The following NOTCH2 variants were observed in gnomAD, a reference collection of about 807,000 sequenced individuals.
The protein encoded by NOTCH2 is neurogenic locus notch homolog protein 2.
Under a neutral mutation model 235.8 loss-of-function variants are expected in NOTCH2, and 29 were observed. That is an observed-to-expected ratio of 0.12 (90% CI 0.09 to 0.17). NOTCH2 has a LOEUF of 0.17. Among genes scored for constraint, NOTCH2 ranks in the 10% least tolerant of loss-of-function variants. The pLI is 1.00. For synonymous variants in NOTCH2, 1,086 were observed against 1,141.5 expected (o/e 0.95, Z 0.98); for missense variants, 2,285 against 3,150.2 (o/e 0.73, Z 6.57).
intron 5 of NOTCH2, among the ~76,000 whole-genome samples, chr1:119,984,360 G>A (rs184520712): frequency 1.2e-4 from 18 of 152,206 alleles, no homozygotes; most frequent in East Asian, 7.7e-4. Context: ...CAACCACTAC[G>A]GGTCTTGGGC....
intron 16 of NOTCH2, 91 bp from the exon 17 acceptor site, chr1:119,948,657 G>T: frequency 6.9e-7 from 1 of 1,444,480 alleles, no homozygotes. Flanking sequence ...GGGGTGCATG[G>T]AGCTATTCCA....
chr1:119,962,940 G>A (rs1403067073), intron 11 of NOTCH2, among the ~76,000 whole-genome samples: 4 of 152,144 alleles, frequency 2.6e-5, no homozygotes, highest in African/African-American at 9.7e-5. Flanking sequence ...CGACCAACAA[G>A]GAGTCATTCA....
At position 119,915,703 on chromosome 1, in the gene NOTCH2, T is replaced by G; in HGVS notation, c.7019A>C (p.Tyr2340Ser). ...CAAACGGGCCATTTCTGGAATCTGG[T>G]ACATGGTGGGCAGGGGGCCCGCAAC... The part of the protein sequence containing the change: ...PAVAGPLPTM[Y>S]QIPEMARLPS... Residue 2340 changes from tyrosine to serine, a missense_variant, in exon 34 of 34, where the codon TAC (tyrosine) becomes TCC (serine). This residue lies in a region of NOTCH2 where 504 missense variants were observed against 538.0 expected (regional missense o/e 0.94). Coordinates refer to ENST00000256646, the MANE Select transcript of NOTCH2 (RefSeq NM_024408.4). The G allele has an allele frequency of 6.2e-7, 1 of 1,611,238 alleles. No individual in the cohort carries two copies. Among genetic ancestry groups the G allele is most frequent in the East Asian group, 2.2e-5 (1 of 44,832 alleles).
chr1:120,005,266 A>C (rs587762138), intron 3 of NOTCH2, 63 bp downstream of exon 3: 2 of 1,612,212 alleles, frequency 1.2e-6, no homozygotes, highest in African/African-American at 2.7e-5. Flanking sequence ...CATGATCTAA[A>C]AGATGCTAAA....
Position 120,001,217 on chromosome 1 carries a change from G to A in NOTCH2, c.416-3885C>T, listed in dbSNP as rs587641261. On this transcript the variant is annotated intron_variant, in intron 3 of 33. Coordinates refer to ENST00000256646, the MANE Select transcript of NOTCH2 (RefSeq NM_024408.4). Reference sequence around the variant, plus strand: ...TCTCGGGGATATCTTTATCAGCAGCGTGAAAATGGACTAATACAGTAAATT... The same window carrying A: ...TCTCGGGGATATCTTTATCAGCAGCATGAAAATGGACTAATACAGTAAATT... 7.3e-4 allele frequency among the ~76,000 whole-genome samples: 111 copies of A among 152,146 alleles called. 1 individual carries two copies. Among genetic ancestry groups the A allele is most frequent in the African/African-American group, 2.5e-3 (105 of 41,514 alleles).
At chr1:119,999,262 A>G (rs1652614527) in intron 3 of NOTCH2, among the ~76,000 whole-genome samples, 2 of 148,516 alleles carry the variant, frequency 1.3e-5, no homozygotes, top group South Asian at 4.4e-4. Flanking sequence ...ATTGTCTAGG[A>G]AAGTATCTAA....
chr1:119,932,667 G>A (rs1349795684), intron 22 of NOTCH2, among the ~76,000 whole-genome samples: 2 of 151,824 alleles, frequency 1.3e-5, no homozygotes, highest in African/African-American at 2.4e-5. Context: ...GAGAGAGAGA[G>A]GAAGTTCTAT....
At chr1:119,917,825 T>G (rs1570656991) in intron 32 of NOTCH2, 63 bp from the exon 33 acceptor site, 2 of 1,032,424 alleles carry the variant, frequency 1.9e-6, no homozygotes, top group East Asian at 4.7e-5. Flanking sequence ...ACACTATGAC[T>G]TGCACAATGA....
chr1:119,972,305 G>T (rs1651395789), intron 5 of NOTCH2, among the ~76,000 whole-genome samples: 1 of 152,164 alleles, frequency 6.6e-6, no homozygotes, highest in African/African-American at 2.4e-5. Context: ...AATGACAGCT[G>T]TGTTATTAGG....
At chr1:119,944,112 A>G (rs1036262805) in intron 17 of NOTCH2, among the ~76,000 whole-genome samples, 14 of 152,250 alleles carry the variant, frequency 9.2e-5, no homozygotes, top group African/African-American at 3.1e-4. Context: ...AATGAACATT[A>G]TAAAAGGGAG....
At chr1:120,041,130 C>T (rs1654549602) in intron 1 of NOTCH2, among the ~76,000 whole-genome samples, 1 of 109,008 alleles carries the variant, frequency 9.2e-6, no homozygotes, top group Admixed American at 9.1e-5. Flanking sequence ...TTCTCCCTTG[C>T]TTTGTTTCTT....
At chr1:119,953,389 T>G (rs1650560286) in intron 14 of NOTCH2, among the ~76,000 whole-genome samples, 154 bp downstream of exon 14, 1 of 152,216 alleles carries the variant, frequency 6.6e-6, no homozygotes, top group African/African-American at 2.4e-5. Flanking sequence ...CTATTCATGT[T>G]TTTATTCCCC....
Position 120,042,516 on chromosome 1 carries a change from C to T in NOTCH2, c.74-12529G>A, listed in dbSNP as rs868993356. Among the ~76,000 whole-genome samples the T allele has an allele frequency of 3.3e-4, 43 of 130,710 alleles. No individual in the cohort carries two copies. The Middle Eastern group carries it at 0.01, about 31-fold the overall frequency. 85.8% of individuals were successfully genotyped at this position (130,710 alleles called of 152,430 possible). ...AGTGGGAATGTCCTTCCCATCATCA[C>T]CTCATCACATTAACAAGATGAAGTC... On this transcript the variant is annotated intron_variant, in intron 1 of 33. Transcript: ENST00000256646.
intron 1 of NOTCH2, among the ~76,000 whole-genome samples, chr1:120,066,233 G>A (rs1485201417): frequency 2.0e-5 from 3 of 151,782 alleles, no homozygotes; most frequent in Non-Finnish European, 4.4e-5. Context: ...CATTTGTTAT[G>A]GAAATTTCTT....
chr1:119,948,656 G>T, intron 16 of NOTCH2, 90 bp from the exon 17 acceptor site: 1 of 1,449,880 alleles, frequency 6.9e-7, no homozygotes, highest in South Asian at 1.2e-5. Flanking sequence ...TGGGGTGCAT[G>T]GAGCTATTCC....
intron 22 of NOTCH2, among the ~76,000 whole-genome samples, chr1:119,932,437 A>AGATTTT (rs1553195265): frequency 5.9e-5 from 9 of 152,038 alleles, no homozygotes; most frequent in African/African-American, 2.2e-4. Flanking sequence ...AAAATACAAA[A>AGATTTT]TCAGCCAGGC....
chr1:119,960,516 CTTTTTA>C (rs1650895911), intron 11 of NOTCH2, among the ~76,000 whole-genome samples: 1 of 150,642 alleles, frequency 6.6e-6, no homozygotes, highest in African/African-American at 2.4e-5. Flanking sequence ...ACAATATTTA[CTTTTTA>C]TTTTTGTATG....
At chr1:119,980,916 T>A (rs147002922) in intron 5 of NOTCH2, among the ~76,000 whole-genome samples, 1 of 152,178 alleles carries the variant, frequency 6.6e-6, no homozygotes, top group Non-Finnish European at 1.5e-5. Flanking sequence ...CTCTCAAACC[T>A]CCCCTTTTCT....
chr1:119,920,203 A>G (rs1649234451), intron 30 of NOTCH2, 26 bp downstream of exon 30: 1 of 1,613,328 alleles, frequency 6.2e-7, no homozygotes, highest in Non-Finnish European at 8.5e-7. Context: ...CAGCCCAGTG[A>G]AGAGGGGAAG....
Sources: gnomAD v4.1 joint callset for allele counts (sites outside exome capture counted in the v4.1 genomes callset) on GRCh38, gnomAD v4.1.1 for gene constraint, gnomAD v4.1.1 regional missense constraint, MANE v1.5 for transcripts, NCBI Gene and HGNC (gene_info 2026-07-23, HGNC 2026-07-21) for gene names.